Variants in GEMIN4 observed in about 807,000 individuals in gnomAD.
GEMIN4 encodes gem-associated protein 4.
GEMIN4 carries 59 observed loss-of-function variants against 76.8 expected under a neutral mutation model. The ratio of observed to expected loss-of-function variants is 0.77; its 90% CI spans 0.62 to 0.95. The LOEUF (loss-of-function observed/expected upper bound fraction) is 0.95. Ranked by LOEUF, GEMIN4 falls within the 40% of genes least tolerant of loss-of-function variation. The pLI is 0.00. For synonymous variants in GEMIN4, 562 were observed against 559.7 expected, an observed-to-expected ratio of 1.00 and a Z score of -0.06; for missense variants, 1,311 against 1,318.9, an observed-to-expected ratio of 0.99 and a Z score of 0.09.
Position 745,412 on chromosome 17 carries a change from C to A in GEMIN4, c.2631G>T (p.Arg877Ser). Reference protein sequence around the residue: ...QEWQRLHQLTRRLLEKQLLHV... With the variant: ...QEWQRLHQLTSRLLEKQLLHV... ...GGAGGAGCTGCTTCTCCAGCAGTCT[C>A]CTGGTCAGCTGGTGAAGGCGCTGCC... The change falls in exon 2 of 2, where the codon AGG (arginine) becomes AGT (serine). Residue 877 changes from arginine (R) to serine (S), a missense_variant. By Grantham distance (110) the Arg-to-Ser change is moderately radical. This residue lies in a region of GEMIN4 where 1,208 missense variants were observed against 1,166.9 expected (regional missense o/e 1.04). Coordinates refer to ENST00000319004, the MANE Select transcript of GEMIN4 (RefSeq NM_015721.3). The surrounding 1 kb of genome is among the most constrained non-coding windows in gnomAD (Gnocchi z 4.6). 6.2e-7 allele frequency: 1 copy of A among 1,612,990 alleles called. No individual in the cohort carries two copies. Among genetic ancestry groups the A allele is most frequent in the Non-Finnish European group, 8.5e-7 (1 of 1,179,756 alleles).
Position 745,462 on chromosome 17 carries a change from T to A in GEMIN4, c.2581A>T (p.Met861Leu). The change falls in exon 2 of 2, where the codon ATG becomes TTG. Residue 861 changes from methionine to leucine, a missense_variant. Physicochemically the swap from Met to Leu is conservative, Grantham distance 15. This residue lies in a region of GEMIN4 where 1,208 missense variants were observed against 1,166.9 expected (regional missense o/e 1.04). Transcript: ENST00000319004. The surrounding 1 kb of genome is among the most constrained non-coding windows in gnomAD (Gnocchi z 4.6). ...CACTCCTGAGGGCTGCACCAAGGCA[T>A]GACTTGCACCAGGGCCACCAGAAAG... ...KGFLVALVQV[M>L]PWCSPQEWQR... 6.2e-7 allele frequency: 1 copy of A among 1,612,316 alleles called. No homozygotes were observed. Among genetic ancestry groups the A allele is most frequent in the South Asian group, 1.1e-5 (1 of 91,070 alleles).
In GEMIN4 at chr17:746,779, A is replaced by C. The variant is rs1377152263; in HGVS notation, c.1264T>G (p.Cys422Gly). 8 of 1,613,676 alleles carry C rather than the reference A, an allele frequency of 5.0e-6. No homozygotes were observed. Among genetic ancestry groups the C allele is most frequent in the Non-Finnish European group, 6.8e-6 (8 of 1,179,850 alleles). ...QQKMDRHMEV[C>G]YIFASEKKWA... ...TTCTTCTCAGAGGCAAAAATGTAGC[A>C]CACTTCCATATGGCGGTCCATCTTC... Residue 422 changes from cysteine (C) to glycine (G), a missense_variant, in exon 2 of 2, where the codon TGC becomes GGC. By Grantham distance (159) the Cys-to-Gly change is radical (BLOSUM62 -3). Coordinates refer to ENST00000319004, the MANE Select transcript of GEMIN4 (RefSeq NM_015721.3). This position sits in a 1 kb window ranked among gnomAD's most constrained non-coding sequence, Gnocchi z 4.3.
chr17:746,481 C>A lies in GEMIN4; in HGVS notation c.1562G>T (p.Gly521Val). ...LSEKLLAYVE[G>V]FQEDLNTTFN... ...AGTTGTATTGAGGTCTTCCTGAAAA[C>A]CCTCCACATAAGCCAGCAACTTTTC... Residue 521 changes from glycine to valine, a missense_variant, in exon 2 of 2, where the codon GGT becomes GTT. Gly to Val is a moderately radical substitution (Grantham distance 109). Around this residue, in one of 2 missense-constraint regions of GEMIN4, gnomAD observed 1,208 missense variants for 1,166.9 expected, o/e 1.04. Transcript: ENST00000319004. This position sits in a 1 kb window ranked among gnomAD's most constrained non-coding sequence, Gnocchi z 4.3. 6.2e-7 allele frequency: 1 copy of A among 1,614,002 alleles called. No homozygotes were observed. The highest frequency in any genetic ancestry group is 8.5e-7 in the Non-Finnish European group (1 of 1,179,894).
chr17:745,213 A>C lies in GEMIN4; in HGVS notation c.2830T>G (p.Cys944Gly). ...EGWNHVVKLL[C>G]GSLTRLLDSV... ...TCCAGGAGGCGGGTCAGACTGCCAC[A>C]GAGGAGTTTGACCACGTGGTTCCAG... Residue 944 changes from cysteine (C) to glycine (G), a missense_variant, in exon 2 of 2, where the codon TGT (cysteine) becomes GGT (glycine). This residue lies in a region of GEMIN4 where 1,208 missense variants were observed against 1,166.9 expected (regional missense o/e 1.04). Transcript: ENST00000319004. The surrounding 1 kb of genome is among the most constrained non-coding windows in gnomAD (Gnocchi z 4.6). The C allele has an allele frequency of 6.2e-7, 1 of 1,608,772 alleles. No homozygotes were observed. The highest frequency in any genetic ancestry group is 8.5e-7 in the Non-Finnish European group (1 of 1,177,910).
At chr17:754,129 T>A (rs1904886689), upstream of GEMIN4, 1 of 152,272 alleles carries the variant, frequency 6.6e-6, no homozygotes, top group Non-Finnish European at 1.5e-5. Context: ...GACTATTCTG[T>A]ACTTAACCCT....
chr17:749,733 G>A, intron 1 of GEMIN4: 2 of 781,454 alleles, frequency 2.6e-6, no homozygotes, highest in Non-Finnish European at 3.2e-6. Context: ...AGGGTAATGG[G>A]CACAGAGCAA....
In GEMIN4 at chr17:745,465, C is replaced by T. The variant is rs1483977839; in HGVS notation, c.2578G>A (p.Val860Ile). 6.2e-7 allele frequency: 1 copy of T among 1,612,180 alleles called. No homozygotes were observed. The highest frequency in any genetic ancestry group is 1.3e-5 in the African/African-American group (1 of 74,912). ...SKGFLVALVQ[V>I]MPWCSPQEWQ... ...TCCTGAGGGCTGCACCAAGGCATGA[C>T]TTGCACCAGGGCCACCAGAAAGCCT... is the stretch of plus-strand genomic sequence containing the variant. The change falls in exon 2 of 2, where the codon GTC (valine) becomes ATC (isoleucine). Residue 860 changes from valine (V) to isoleucine (I), a missense_variant. Coordinates refer to ENST00000319004, the MANE Select transcript of GEMIN4 (RefSeq NM_015721.3). This position sits in a 1 kb window ranked among gnomAD's most constrained non-coding sequence, Gnocchi z 4.6.
chr17:747,317 G>A lies in GEMIN4; in HGVS notation c.726C>T (p.Asn242=), dbSNP rs1904310365. 6.2e-7 allele frequency: 1 copy of A among 1,613,688 alleles called. No homozygotes were observed. The highest frequency in any genetic ancestry group is 1.7e-5 in the Admixed American group (1 of 60,004). Reference sequence around the variant, plus strand: ...CAAACACAGTCAGCATGTCAGCCAGGTTGGCCAGCGCACAGCACTTCCTCC... The same window carrying A: ...CAAACACAGTCAGCATGTCAGCCAGATTGGCCAGCGCACAGCACTTCCTCC... The part of the protein sequence containing the change: ...GPGRKCCALA[N]LADMLTVFAL... The change falls in exon 2 of 2, where the codon AAC becomes AAT. Residue 242 remains asparagine (N), a synonymous_variant. Coordinates refer to ENST00000319004, the MANE Select transcript of GEMIN4 (RefSeq NM_015721.3).
In GEMIN4 at chr17:745,763, G is replaced by A; in HGVS notation, c.2280C>T (p.His760=). Residue 760 remains histidine (H), a synonymous_variant, in exon 2 of 2, where the codon CAC becomes CAT. Coordinates refer to ENST00000319004, the MANE Select transcript of GEMIN4 (RefSeq NM_015721.3). This position sits in a 1 kb window ranked among gnomAD's most constrained non-coding sequence, Gnocchi z 4.6. ...TCCAGTCTAGCTGTTCTAACTTGCG[G>A]TGGAGCCAGGACAGGGACTTGATCC... is the stretch of plus-strand genomic sequence containing the variant. ...DVWIKSLSWL[H]RKLEQLDWTV... The A allele has an allele frequency of 1.2e-6, 2 of 1,611,028 alleles. No homozygotes were observed. Among genetic ancestry groups the A allele is most frequent in the Non-Finnish European group, 1.7e-6 (2 of 1,178,728 alleles).
intron 1 of GEMIN4, among the ~76,000 whole-genome samples, chr17:751,219 C>A (rs964332083): frequency 4.6e-5 from 7 of 152,190 alleles, no homozygotes; most frequent in Admixed American, 3.9e-4. Context: ...TTCACAATCA[C>A]CTTTTGAGGA....
rs746432776 is a variant in GEMIN4 at position 747,473 on chromosome 17, C to T, written c.570G>A (p.Leu190=). 2.5e-6 allele frequency: 4 copies of T among 1,613,854 alleles called. No individual in the cohort carries two copies. In the South Asian group the frequency reaches 3.3e-5, roughly 13 times the overall value. Residue 190 remains leucine (L), a synonymous_variant, in exon 2 of 2, where the codon CTG becomes CTA. Coordinates refer to ENST00000319004, the MANE Select transcript of GEMIN4 (RefSeq NM_015721.3). ...SQFSAMAHKY[L]PALDEFPHPP... ...GATGGGGGAACTCATCTAAGGCAGG[C>T]AGGTACTTATGGGCCATTGCACTAA...
At position 752,260 on chromosome 17, in the gene GEMIN4, C is replaced by G; in HGVS notation, c.-118G>C. 8.1e-7 allele frequency: 1 copy of G among 1,227,244 alleles called. No individual in the cohort carries two copies. Among genetic ancestry groups the G allele is most frequent in the Non-Finnish European group, 1.0e-6 (1 of 984,942 alleles). The allele number at this position is 1,227,244 out of a possible 1,614,324, so 76.0% of individuals were successfully genotyped here. A position where few individuals can be genotyped will look rare whatever the true frequency, so the allele number is the denominator to read the frequency against. On this transcript the variant is annotated 5_prime_UTR_variant, in exon 1 of 2. Transcript: ENST00000319004. ...GGAGCCACGGCGGCCGCGCTTAGGCCTGCTCACAACCTCCGCCCGGCCCCG... is the reference window on the plus strand; with the variant it reads ...GGAGCCACGGCGGCCGCGCTTAGGCGTGCTCACAACCTCCGCCCGGCCCCG...
Position 747,970 on chromosome 17 carries a change from G to C in GEMIN4, c.73C>G (p.Leu25Val). The C allele has an allele frequency of 6.2e-7, 1 of 1,612,896 alleles. No individual in the cohort carries two copies. Among genetic ancestry groups the C allele is most frequent in the African/African-American group, 1.3e-5 (1 of 75,044 alleles). The change falls in exon 2 of 2, where the codon CTG (leucine) becomes GTG (valine). Residue 25 changes from leucine (L) to valine (V), a missense_variant. Leu to Val is a conservative substitution (Grantham distance 32). This residue lies in a region of GEMIN4 where 103 missense variants were observed against 152.0 expected (regional missense o/e 0.68). Transcript: ENST00000319004. ...LHGGFLLAEQLFHPKALAELT... is the reference protein window; with the variant it reads ...LHGGFLLAEQVFHPKALAELT... Reference sequence around the variant, plus strand: ...TCTGCCAGTGCCTTAGGGTGGAACAGCTGCTCGGCCAGCAAGAAGCCTCCA... The same window carrying C: ...TCTGCCAGTGCCTTAGGGTGGAACACCTGCTCGGCCAGCAAGAAGCCTCCA...
In GEMIN4 at chr17:744,835, G is replaced by C; in HGVS notation, c.*31C>G. ...GAAGCTGCTGATCTTCTGCAGACCCGCCATGTTGGGGCCCAGCTCCCCACG... is the reference window on the plus strand; with the variant it reads ...GAAGCTGCTGATCTTCTGCAGACCCCCCATGTTGGGGCCCAGCTCCCCACG... On this transcript the variant is annotated 3_prime_UTR_variant, in exon 2 of 2. Coordinates refer to ENST00000319004, the MANE Select transcript of GEMIN4 (RefSeq NM_015721.3). The C allele has an allele frequency of 6.3e-7, 1 of 1,581,316 alleles. No individual in the cohort carries two copies. The highest frequency in any genetic ancestry group is 8.6e-7 in the Non-Finnish European group (1 of 1,166,312).
Position 747,193 on chromosome 17 carries a change from A to G in GEMIN4, c.850T>C (p.Tyr284His), listed in dbSNP as rs1209460106. The G allele has an allele frequency of 6.2e-7, 1 of 1,613,736 alleles. No homozygotes were observed. Among genetic ancestry groups the G allele is most frequent in the Non-Finnish European group, 8.5e-7 (1 of 1,179,870 alleles). Residue 284 changes from tyrosine (Y) to histidine (H), a missense_variant, in exon 2 of 2, where the codon TAC becomes CAC. Transcript: ENST00000319004. ...TTCTCTGCCAGCGCCTGCTGGTGGT[A>G]GGGATTCTGGGTGTCCGAGTTCCAC... ...SVWNSDTQNPYHQQALAEKVK... is the reference protein window; with the variant it reads ...SVWNSDTQNPHHQQALAEKVK...
At chr17:752,948 G>C (rs1304479422), upstream of GEMIN4, 1 of 154,994 alleles carries the variant, frequency 6.5e-6, no homozygotes, top group Non-Finnish European at 1.5e-5. Context: ...GAGCGATCAG[G>C]AGAAGCTGCT....
upstream of GEMIN4, chr17:752,501 G>A: frequency 2.3e-6 from 1 of 439,204 alleles, no homozygotes. Flanking sequence ...CGGTAACCCC[G>A]GGCGTGCCCC....
At chr17:753,058 CGCGAAAAAAGGG>C (rs1297957611), upstream of GEMIN4, 3 of 164,094 alleles carry the variant, frequency 1.8e-5, no homozygotes, top group Non-Finnish European at 4.1e-5. Context: ...AGGCTTGGAG[CGCGAAAAAAGGG>C]GCGTCCAAGA....
intron 1 of GEMIN4, among the ~76,000 whole-genome samples, chr17:750,332 T>C (rs1331062829): frequency 6.6e-6 from 1 of 152,192 alleles, no homozygotes; most frequent in South Asian, 2.1e-4. Flanking sequence ...TGCTAGTGGG[T>C]TGGCACTGCT....
Sources: gnomAD v4.1 joint callset for allele counts (sites outside exome capture counted in the v4.1 genomes callset) on GRCh38, gnomAD v4.1.1 for gene constraint, gnomAD v4.1.1 regional missense constraint, Gnocchi (gnomAD v3.1) non-coding constraint, MANE v1.5 for transcripts, NCBI Gene and HGNC (gene_info 2026-07-23, HGNC 2026-07-21) for gene names.